Variants in KCNQ1 observed in about 807,000 individuals in gnomAD.
The protein encoded by KCNQ1 is potassium voltage-gated channel subfamily KQT member 1.
Under a neutral mutation model 72.4 loss-of-function variants are expected in KCNQ1, and 49 were observed. The ratio of observed to expected loss-of-function variants is 0.68; its 90% CI spans 0.54 to 0.86. The LOEUF (loss-of-function observed/expected upper bound fraction) is 0.86, where lower values mean the gene tolerates loss of function less well. KCNQ1 is among the 40% of genes least tolerant of loss of function. The pLI is 0.00. For synonymous variants in KCNQ1, 450 were observed against 412.6 expected (o/e 1.09, Z -1.10); for missense variants, 790 against 945.1 (o/e 0.84, Z 2.15).
intron 15 of KCNQ1, among the ~76,000 whole-genome samples, chr11:2,807,970 C>G (rs1408666793): frequency 2.6e-5 from 4 of 152,220 alleles, no homozygotes; most frequent in Admixed American, 2.0e-4. Context: ...GTTTCCACAT[C>G]TGTAAGGATG....
intron 15 of KCNQ1, among the ~76,000 whole-genome samples, chr11:2,807,877 T>C (rs1474739821): frequency 1.3e-5 from 2 of 152,162 alleles, no homozygotes; most frequent in African/African-American, 4.8e-5. Flanking sequence ...AGGCTGCCCC[T>C]GACAAGCCCT....
chr11:2,459,579 C>T (rs750414092), intron 1 of KCNQ1, among the ~76,000 whole-genome samples: 6 of 152,154 alleles, frequency 3.9e-5, no homozygotes, highest in Admixed American at 1.3e-4. Flanking sequence ...GCAGTACTGA[C>T]TTCCTCTAAG....
intron 2 of KCNQ1, among the ~76,000 whole-genome samples, chr11:2,555,544 C>G (rs528681656): frequency 1.3e-5 from 2 of 152,230 alleles, no homozygotes; most frequent in Non-Finnish European, 2.9e-5. Context: ...TGGGCTCCCC[C>G]ACCACAAATT....
In KCNQ1 at chr11:2,608,627, T is replaced by A. The variant is rs949061180; in HGVS notation, c.1393+19773T>A. On this transcript the variant is annotated intron_variant, in intron 10 of 15. Transcript: ENST00000155840. The surrounding 1 kb of genome is among the most constrained non-coding windows in gnomAD (Gnocchi z 4.6). ...CAGGTGTGCACCACAACACCAGCTGTTATTCAAAAAATATTTTGTAGAGAT... is the reference window on the plus strand; with the variant it reads ...CAGGTGTGCACCACAACACCAGCTGATATTCAAAAAATATTTTGTAGAGAT... 2.5e-6 allele frequency: 1 copy of A among 398,404 alleles called. No individual in the cohort carries two copies. Among genetic ancestry groups the A allele is most frequent in the Non-Finnish European group, 4.4e-6 (1 of 226,064 alleles). 24.7% of individuals were successfully genotyped at this position (398,404 alleles called of 1,614,324 possible). A position where few individuals can be genotyped will look rare whatever the true frequency, so the allele number is the denominator to read the frequency against.
At chr11:2,510,165 A>G (rs1419015169) in intron 1 of KCNQ1, among the ~76,000 whole-genome samples, 1 of 151,972 alleles carries the variant, frequency 6.6e-6, no homozygotes, top group Admixed American at 6.6e-5. Flanking sequence ...TGTGGTCCCA[A>G]CTACTCGGGA....
chr11:2,792,966 G>T (rs760757394), intron 15 of KCNQ1, among the ~76,000 whole-genome samples: 194 of 141,176 alleles, frequency 1.4e-3, no homozygotes, highest in Non-Finnish European at 2.0e-3. Flanking sequence ...CCCGGGAGCC[G>T]CAGGTCAGGC....
At chr11:2,605,836 T>C (rs1164880781) in intron 10 of KCNQ1, among the ~76,000 whole-genome samples, 2 of 152,224 alleles carry the variant, frequency 1.3e-5, no homozygotes, top group Non-Finnish European at 2.9e-5. Flanking sequence ...CTGGTAAGGA[T>C]TGTGTTGAGT....
chr11:2,788,546 C>T (rs2134004960), intron 15 of KCNQ1, among the ~76,000 whole-genome samples: 1 of 150,368 alleles, frequency 6.7e-6, no homozygotes, highest in East Asian at 2.0e-4. Context: ...CCCCTCTGCA[C>T]CACCCCCCGC....
chr11:2,453,245 T>C (rs913464777), intron 1 of KCNQ1, among the ~76,000 whole-genome samples: 2 of 152,088 alleles, frequency 1.3e-5, no homozygotes, highest in African/African-American at 4.8e-5. Context: ...TGGTGGTGCA[T>C]GCCTGTAATC....
intron 11 of KCNQ1, among the ~76,000 whole-genome samples, chr11:2,749,585 G>A (rs9888271): frequency 2.9e-3 from 434 of 149,190 alleles, no homozygotes; most frequent in African/African-American, 0.01. Flanking sequence ...CGAGGCGGGC[G>A]GATCACGAGG....
At position 2,808,001 on chromosome 11, in the gene KCNQ1, G is replaced by A. The variant is rs1847414029; in HGVS notation, c.1794+29964G>A. ...GGATGAGACAGGAACGGTCTCTCTG[G>A]GGGCAGGGCCGGTGGTACCTGGAGC... On this transcript the variant is annotated intron_variant, in intron 15 of 15. Transcript: ENST00000155840. This position sits in a 1 kb window ranked among gnomAD's most constrained non-coding sequence, Gnocchi z 6.0. Among the ~76,000 whole-genome samples, 1 of 152,186 alleles carries A rather than the reference G, an allele frequency of 6.6e-6. No homozygotes were observed. The highest frequency in any genetic ancestry group is 6.5e-5 in the Admixed American group (1 of 15,290).
At chr11:2,584,775 C>G (rs17674607) in intron 7 of KCNQ1, among the ~76,000 whole-genome samples, 118,245 of 152,136 alleles carry the variant, frequency 0.78, 46,364 homozygotes, top group East Asian at 0.94. Flanking sequence ...TCTGTAGACA[C>G]GGAGTTCCCT....
chr11:2,518,081 C>T (rs1357500830), intron 1 of KCNQ1, among the ~76,000 whole-genome samples: 2 of 152,264 alleles, frequency 1.3e-5, no homozygotes, highest in African/African-American at 2.4e-5. Flanking sequence ...TCATTCACAC[C>T]ATCAGTCATT....
chr11:2,527,875 T>C, intron 1 of KCNQ1, 53 bp from the exon 2 acceptor site: 1 of 1,519,700 alleles, frequency 6.6e-7, no homozygotes, highest in South Asian at 1.1e-5. Context: ...CCCAGGTGCA[T>C]CTGTGGGATG....
At chr11:2,640,523 C>T (rs545157787) in intron 10 of KCNQ1, 50 of 396,564 alleles carry the variant, frequency 1.3e-4, no homozygotes, top group South Asian at 5.2e-4. Flanking sequence ...TGGGCTCAAG[C>T]GATCCTTCTG....
intron 10 of KCNQ1, chr11:2,616,479 A>T (rs1849066443): frequency 2.5e-6 from 1 of 397,732 alleles, no homozygotes; most frequent in Admixed American, 4.4e-5. Context: ...GTAAGGTATA[A>T]TATTAGGTTA....
At chr11:2,737,861 G>A (rs556142787) in intron 11 of KCNQ1, among the ~76,000 whole-genome samples, 2 of 152,312 alleles carry the variant, frequency 1.3e-5, no homozygotes, top group African/African-American at 2.4e-5. Context: ...GATGTGAGGC[G>A]GTCATAATAC....
At chr11:2,629,643 A>G (rs977228526) in intron 10 of KCNQ1, 4 of 398,530 alleles carry the variant, frequency 1.0e-5, no homozygotes, top group Non-Finnish European at 1.8e-5. Flanking sequence ...GCGTTCATAT[A>G]TGAAAGGATT....
intron 15 of KCNQ1, among the ~76,000 whole-genome samples, chr11:2,802,722 G>T (rs1423997328): frequency 6.6e-6 from 1 of 152,156 alleles, no homozygotes; most frequent in Non-Finnish European, 1.5e-5. Context: ...CAGGAAGGAG[G>T]CGTTTGCAGG....
Sources: allele counts gnomAD v4.1 joint callset (sites outside exome capture counted in the v4.1 genomes callset), GRCh38; gene constraint gnomAD v4.1.1; non-coding constraint Gnocchi (gnomAD v3.1); transcripts MANE v1.5; gene names NCBI Gene and HGNC (gene_info 2026-07-23, HGNC 2026-07-21).